ZNF804A: variants seen among roughly 807,000 people sequenced by gnomAD.
ZNF804A encodes zinc finger protein 804A.
Under a neutral mutation model 16.5 loss-of-function variants are expected in ZNF804A, and 2 were observed. That is an observed-to-expected ratio of 0.12 (90% CI 0.05 to 0.38). The LOEUF is 0.38. ZNF804A is among the 10% of genes least tolerant of loss of function. The pLI is 0.99. For missense variants in ZNF804A, 1,473 were observed against 1,390.7 expected, an observed-to-expected ratio of 1.06 and a Z score of -0.94; for synonymous variants, 534 against 489.6, an observed-to-expected ratio of 1.09 and a Z score of -1.20.
chr2:184,821,632 C>T (rs1267078539), intron 1 of ZNF804A, among the ~76,000 whole-genome samples: 2 of 152,076 alleles, frequency 1.3e-5, no homozygotes, highest in African/African-American at 4.8e-5. Flanking sequence ...AGACAACCTA[C>T]ATAATTAGAG....
At chr2:184,630,133 G>A (rs1359697290) in intron 1 of ZNF804A, among the ~76,000 whole-genome samples, 1 of 152,096 alleles carries the variant, frequency 6.6e-6, no homozygotes, top group Non-Finnish European at 1.5e-5. Context: ...CTCTGGTACT[G>A]TAGCAGTTTT....
intron 1 of ZNF804A, among the ~76,000 whole-genome samples, chr2:184,770,099 A>G (rs1694188767): frequency 6.6e-6 from 1 of 152,108 alleles, no homozygotes; most frequent in African/African-American, 2.4e-5. Context: ...CTCAATATGT[A>G]AAGTCATAGA....
Position 184,935,876 on chromosome 2 carries a change from T to C in ZNF804A, c.480T>C (p.Val160=). The change falls in exon 4 of 4, where the codon GTT becomes GTC. Residue 160 remains valine, a synonymous_variant. Transcript: ENST00000302277. ...EISQRVVVDS[V]NNQQDFKYTL... ...CCCAACGAGTTGTTGTGGATTCAGT[T>C]AATAACCAGCAAGATTTCAAATATA... 2.5e-6 allele frequency: 4 copies of C among 1,613,886 alleles called. No homozygotes were observed. The highest frequency in any genetic ancestry group is 3.4e-6 in the Non-Finnish European group (4 of 1,179,902).
chr2:184,713,607 T>A (rs1262795170), intron 1 of ZNF804A, among the ~76,000 whole-genome samples: 1 of 151,994 alleles, frequency 6.6e-6, no homozygotes, highest in Non-Finnish European at 1.5e-5. Flanking sequence ...TACCAACATG[T>A]ACAGAACAAT....
In ZNF804A at chr2:184,598,759, C is replaced by A; in HGVS notation, c.-201C>A. 1 of 369,138 alleles carries A rather than the reference C, an allele frequency of 2.7e-6. No individual in the cohort carries two copies. The highest frequency in any genetic ancestry group is 4.8e-6 in the Non-Finnish European group (1 of 209,686). The allele number at this position is 369,138 out of a possible 1,614,324, so 22.9% of individuals were successfully genotyped here. The stretch of plus-strand genomic sequence containing the variant: ...GGAGCGAGAGACTGAGGGGAGAGCG[C>A]GGCGAGCATGCGGAGGCGGGGGAGC... On this transcript the variant is annotated 5_prime_UTR_variant, in exon 1 of 4. Coordinates refer to ENST00000302277, the MANE Select transcript of ZNF804A (RefSeq NM_194250.2).
In ZNF804A at chr2:184,937,665, G is replaced by C; in HGVS notation, c.2269G>C (p.Gly757Arg). The C allele has an allele frequency of 6.2e-7, 1 of 1,613,984 alleles. No homozygotes were observed. The highest frequency in any genetic ancestry group is 8.5e-7 in the Non-Finnish European group (1 of 1,179,954). Reference protein sequence around the residue: ...HMSQNQAVKRGYNSVMNESER... With the variant: ...HMSQNQAVKRRYNSVMNESER... ...GAGTCAGAATCAGGCTGTTAAAAGAGGTTACAATTCTGTCATGAATGAATC... is the reference window on the plus strand; with the variant it reads ...GAGTCAGAATCAGGCTGTTAAAAGACGTTACAATTCTGTCATGAATGAATC... Residue 757 changes from glycine (G) to arginine (R), a missense_variant, in exon 4 of 4, where the codon GGT becomes CGT. Gly to Arg is a moderately radical substitution (Grantham distance 125, BLOSUM62 -2). Transcript: ENST00000302277.
chr2:184,662,921 A>G (rs1483606405), intron 1 of ZNF804A, among the ~76,000 whole-genome samples: 1 of 152,204 alleles, frequency 6.6e-6, no homozygotes, highest in Non-Finnish European at 1.5e-5. Flanking sequence ...TGAAAACTTC[A>G]TAAGTATTTA....
chr2:184,626,364 C>A (rs1022279268), intron 1 of ZNF804A, among the ~76,000 whole-genome samples: 1 of 152,002 alleles, frequency 6.6e-6, no homozygotes, highest in African/African-American at 2.4e-5. Flanking sequence ...TTAAAGACTG[C>A]ACGAAAATTA....
chr2:184,762,796 C>T (rs866520734), intron 1 of ZNF804A, among the ~76,000 whole-genome samples: 16 of 151,728 alleles, frequency 1.1e-4, no homozygotes, highest in South Asian at 2.1e-4. Flanking sequence ...TCAATTCTGC[C>T]CAATTTCAAT....
At chr2:184,773,444 A>G (rs540969906) in intron 1 of ZNF804A, among the ~76,000 whole-genome samples, 1 of 152,082 alleles carries the variant, frequency 6.6e-6, no homozygotes, top group South Asian at 2.1e-4. Context: ...AATGGTCAGG[A>G]AGGGAAACCA....
At chr2:184,797,639 G>A (rs1022866769) in intron 1 of ZNF804A, among the ~76,000 whole-genome samples, 7 of 152,152 alleles carry the variant, frequency 4.6e-5, no homozygotes, top group African/African-American at 4.8e-5. Flanking sequence ...GTATTGAAAT[G>A]TGAGGTACCA....
intron 1 of ZNF804A, among the ~76,000 whole-genome samples, chr2:184,807,208 A>G (rs1694821467): frequency 2.0e-5 from 3 of 152,036 alleles, no homozygotes; most frequent in Admixed American, 2.0e-4. Flanking sequence ...ATAGAATGCT[A>G]GAAAATAAAA....
chr2:184,728,229 C>T (rs180789058), intron 1 of ZNF804A, among the ~76,000 whole-genome samples: 18 of 151,738 alleles, frequency 1.2e-4, no homozygotes, highest in Admixed American at 3.3e-4. Context: ...TTCTGAATTC[C>T]GAATATGAAC....
intron 1 of ZNF804A, among the ~76,000 whole-genome samples, chr2:184,652,083 G>T (rs1559117975): frequency 6.6e-6 from 1 of 152,114 alleles, no homozygotes; most frequent in Non-Finnish European, 1.5e-5. Flanking sequence ...TGGTAAATAT[G>T]TGCTATAGAC....
intron 1 of ZNF804A, among the ~76,000 whole-genome samples, chr2:184,767,404 C>T (rs181015833): frequency 6.6e-6 from 1 of 152,162 alleles, no homozygotes; most frequent in Admixed American, 6.5e-5. Context: ...TAGCCAAACT[C>T]ATAGACACAG....
At chr2:184,677,825 AAATCAGCTTT>A (rs1162823537) in intron 1 of ZNF804A, among the ~76,000 whole-genome samples, 2 of 152,044 alleles carry the variant, frequency 1.3e-5, no homozygotes, top group Non-Finnish European at 2.9e-5. Flanking sequence ...TTATACTGAT[AAATCAGCTTT>A]AAAATTATAT....
chr2:184,639,839 A>G (rs377475283), intron 1 of ZNF804A, among the ~76,000 whole-genome samples: 14 of 151,992 alleles, frequency 9.2e-5, no homozygotes, highest in African/African-American at 2.7e-4. Flanking sequence ...CGTCTCTACT[A>G]AAAATACAAA....
intron 1 of ZNF804A, among the ~76,000 whole-genome samples, chr2:184,739,746 T>A (rs1050845685): frequency 2.6e-5 from 4 of 152,132 alleles, no homozygotes; most frequent in African/African-American, 9.7e-5. Flanking sequence ...ATAGCTTACC[T>A]CCATACACAA....
rs535361651 is a variant in ZNF804A at position 184,649,415 on chromosome 2, A to G, written c.111+50345A>G. Among the ~76,000 whole-genome samples, 7 of 152,248 alleles carry G rather than the reference A, an allele frequency of 4.6e-5. No homozygotes were observed. The Middle Eastern group carries it at 0.01, about 222-fold the overall frequency. ...ACTAACCCCAAAGCTACCAGATGAA[A>G]AGAAATAACTAAAATCAGAACAAAA... On this transcript the variant is annotated intron_variant, in intron 1 of 3. Coordinates refer to ENST00000302277, the MANE Select transcript of ZNF804A (RefSeq NM_194250.2).
Sources: allele counts gnomAD v4.1 joint callset (sites outside exome capture counted in the v4.1 genomes callset), GRCh38; gene constraint gnomAD v4.1.1; transcripts MANE v1.5; gene names NCBI Gene and HGNC (gene_info 2026-07-23, HGNC 2026-07-21).